The following DCLRE1A variants were observed in gnomAD, a reference collection of about 807,000 sequenced individuals.
DCLRE1A encodes DNA cross-link repair 1A.
Under a neutral mutation model 91.9 loss-of-function variants are expected in DCLRE1A, and 64 were observed. That is an observed-to-expected ratio of 0.70 (90% CI 0.57 to 0.86). The LOEUF (loss-of-function observed/expected upper bound fraction) is 0.86, where lower values mean the gene tolerates loss of function less well. Ranked by LOEUF, DCLRE1A falls within the 40% of genes least tolerant of loss-of-function variation. The probability of loss-of-function intolerance (pLI) is 0.00; values close to 1 mark genes in which losing one functional copy is unlikely to be tolerated. For synonymous variants in DCLRE1A, 416 were observed against 431.1 expected, an observed-to-expected ratio of 0.96 and a Z score of 0.43; for missense variants, 1,145 against 1,213.3, an observed-to-expected ratio of 0.94 and a Z score of 0.84.
chr10:113,843,516 T>C (rs1451660793), intron 5 of DCLRE1A, among the ~76,000 whole-genome samples: 1 of 152,170 alleles, frequency 6.6e-6, no homozygotes, highest in Non-Finnish European at 1.5e-5. Flanking sequence ...ATGGTTAAGA[T>C]AATTTCTAAC....
At chr10:113,840,967 T>C (rs1356062061) in intron 7 of DCLRE1A, among the ~76,000 whole-genome samples, 1 of 152,206 alleles carries the variant, frequency 6.6e-6, no homozygotes, top group Non-Finnish European at 1.5e-5. Context: ...CTATTTCATT[T>C]AATTGTCGCA....
intron 3 of DCLRE1A, among the ~76,000 whole-genome samples, chr10:113,846,317 AT>A (rs1213849517): frequency 6.6e-6 from 1 of 152,214 alleles, no homozygotes; most frequent in African/African-American, 2.4e-5. Flanking sequence ...TGTTTCATTA[AT>A]AAAAAGAATT....
In DCLRE1A at chr10:113,852,836, G is replaced by A. The variant is rs781346704; in HGVS notation, c.347C>T (p.Pro116Leu). 3.8e-5 allele frequency: 62 copies of A among 1,614,028 alleles called. No individual in the cohort carries two copies. The Middle Eastern group carries it at 6.6e-4, about 17-fold the overall frequency. ...KSQHVSPKIR[P>L]VYDGYCPNCQ... is the part of the protein sequence containing the mutation. ...ATTTGGACAGTATCCATCATAAACT[G>A]GACGTATCTTTGGGGACACGTGTTG... The change falls in exon 1 of 9, where the codon CCA (proline) becomes CTA (leucine). Residue 116 changes from proline (P) to leucine (L), a missense_variant. Coordinates refer to ENST00000361384, the MANE Select transcript of DCLRE1A (RefSeq NM_014881.5).
chr10:113,839,061 C>A (rs953295298), intron 7 of DCLRE1A, among the ~76,000 whole-genome samples: 36 of 152,188 alleles, frequency 2.4e-4, no homozygotes, highest in African/African-American at 8.4e-4. Context: ...CGTGGTGGCT[C>A]ACGCATGTAT....
intron 5 of DCLRE1A, among the ~76,000 whole-genome samples, chr10:113,843,761 C>G (rs1031861231): frequency 1.3e-5 from 2 of 152,192 alleles, no homozygotes; most frequent in African/African-American, 2.4e-5. Context: ...TGACCTCTGT[C>G]TTCTCTTCAC....
chr10:113,837,388 C>A (rs1260295418), intron 7 of DCLRE1A, among the ~76,000 whole-genome samples, 185 bp from the exon 8 acceptor site: 1 of 151,990 alleles, frequency 6.6e-6, no homozygotes, highest in Non-Finnish European at 1.5e-5. Context: ...AATATTTTCT[C>A]CTTTACTTAT....
At chr10:113,839,039 TC>T (rs1481703565) in intron 7 of DCLRE1A, among the ~76,000 whole-genome samples, 1 of 152,054 alleles carries the variant, frequency 6.6e-6, no homozygotes, top group African/African-American at 2.4e-5. Flanking sequence ...TAAGAAATCT[TC>T]CGAGGCCGGG....
chr10:113,841,301 A>G lies in DCLRE1A; in HGVS notation c.2820+105T>C. The G allele has an allele frequency of 6.0e-6, 8 of 1,330,078 alleles. 1 individual carries two copies. In the South Asian group the frequency reaches 1.0e-4, roughly 17 times the overall value. The allele number at this position is 1,330,078 out of a possible 1,614,324, so 82.4% of individuals were successfully genotyped here. Reference sequence around the variant, plus strand: ...AAGATTGTCTAGGGCAAATTTTACTATGGGTGACTCTATTATAATTGAATT... The same window carrying G: ...AAGATTGTCTAGGGCAAATTTTACTGTGGGTGACTCTATTATAATTGAATT... On this transcript the variant is annotated intron_variant, in intron 7 of 8. Transcript: ENST00000361384.
In DCLRE1A at chr10:113,834,975, T is replaced by C; in HGVS notation, c.*177A>G. On this transcript the variant is annotated 3_prime_UTR_variant, in exon 9 of 9. Transcript: ENST00000361384. ...ACCCAGTTTCAGTTATCCTTGATGA[T>C]GCTGAGAGGCATTCAGCACCACGAA... is the stretch of plus-strand genomic sequence containing the variant. The C allele has an allele frequency of 1.6e-6, 1 of 623,848 alleles. No homozygotes were observed. Among genetic ancestry groups the C allele is most frequent in the Non-Finnish European group, 2.6e-6 (1 of 381,796 alleles). 38.6% of individuals were successfully genotyped at this position (623,848 alleles called of 1,614,324 possible).
chr10:113,851,642 C>T (rs1010639851), intron 1 of DCLRE1A, among the ~76,000 whole-genome samples: 2 of 151,952 alleles, frequency 1.3e-5, no homozygotes, highest in African/African-American at 4.8e-5. Context: ...TCACCTAGGA[C>T]TCCTTCACAG....
intron 4 of DCLRE1A, 105 bp from the exon 5 acceptor site, chr10:113,844,349 A>G: frequency 4.3e-6 from 6 of 1,406,554 alleles, no homozygotes; most frequent in Non-Finnish European, 5.7e-6. Flanking sequence ...GCTGACCACA[A>G]TGACATAGCA....
chr10:113,845,722 C>T lies in DCLRE1A; in HGVS notation c.2341G>A (p.Val781Met), dbSNP rs991624279. ...AGCAAAACAACTTTGACACCATTCA[C>T]AATACATTCAGTGTCCAGTGGCAAT... ...HPLPLDTECI[V>M]NGVKVVLLDA... Residue 781 changes from valine to methionine, a missense_variant, in exon 4 of 9, where the codon GTG becomes ATG. Transcript: ENST00000361384. 1.2e-6 allele frequency: 2 copies of T among 1,614,150 alleles called. No individual in the cohort carries two copies. Among genetic ancestry groups the T allele is most frequent in the African/African-American group, 2.7e-5 (2 of 75,060 alleles).
In DCLRE1A at chr10:113,849,942, A is replaced by C. The variant is rs1027855909; in HGVS notation, c.1163T>G (p.Ile388Ser). The C allele has an allele frequency of 5.6e-6, 9 of 1,613,998 alleles. No homozygotes were observed. Residue 388 changes from isoleucine (I) to serine (S), a missense_variant, in exon 2 of 9, where the codon ATT (isoleucine) becomes AGT (serine). Ile to Ser is a moderately radical substitution (Grantham distance 142, BLOSUM62 -2). Coordinates refer to ENST00000361384, the MANE Select transcript of DCLRE1A (RefSeq NM_014881.5). Reference protein sequence around the residue: ...FNSLNDLSQPISQNNESTLPY... With the variant: ...FNSLNDLSQPSSQNNESTLPY... ...CAAAGTACTCTCATTATTTTGAGAA[A>C]TAGGTTGAGACAAATCATTTAGACT...
chr10:113,843,937 T>C (rs186605066), intron 5 of DCLRE1A, among the ~76,000 whole-genome samples, 167 bp downstream of exon 5: 1 of 152,164 alleles, frequency 6.6e-6, no homozygotes. Flanking sequence ...ACACATACAA[T>C]CTCAAATTTG....
intron 3 of DCLRE1A, among the ~76,000 whole-genome samples, chr10:113,846,321 A>G (rs954747669): frequency 2.0e-5 from 3 of 152,212 alleles, no homozygotes; most frequent in African/African-American, 7.2e-5. Flanking sequence ...TCATTAATAA[A>G]AAGAATTCCT....
intron 7 of DCLRE1A, 86 bp downstream of exon 7, chr10:113,841,320 T>C: frequency 6.8e-7 from 1 of 1,478,844 alleles, no homozygotes; most frequent in South Asian, 1.3e-5. Context: ...TCTATTATAA[T>C]TGAATTCCTC....
intron 1 of DCLRE1A, 91 bp downstream of exon 1, chr10:113,852,632 C>T (rs1845672541): frequency 1.6e-6 from 2 of 1,279,344 alleles, no homozygotes; most frequent in Middle Eastern, 2.0e-4. Context: ...TAGGTTACTG[C>T]TTGCCTTCCT....
intron 7 of DCLRE1A, among the ~76,000 whole-genome samples, chr10:113,839,324 C>CAAAAAA (rs35405311): frequency 4.9e-5 from 3 of 61,240 alleles, no homozygotes; most frequent in Non-Finnish European, 5.5e-5. Flanking sequence ...GACCCTGTCT[C>CAAAAAA]AAAAAAAAAA....
rs898428886 is a variant in DCLRE1A, at chr10:113,837,197, G to C, written c.2827C>G (p.Gln943Glu). The change falls in exon 8 of 9, where the codon CAG (glutamine) becomes GAG (glutamate). Residue 943 changes from glutamine (Q) to glutamate (E), a missense_variant. Transcript: ENST00000361384. ...PMMQINFKGL[Q>E]SHLKKCGGKY... ...CCACCACACTTCTTCAAATGACTCT[G>C]TAAGCCCTGTTAAATTAAAATAGCA... 1 of 1,608,066 alleles carries C rather than the reference G, an allele frequency of 6.2e-7. No homozygotes were observed. The highest frequency in any genetic ancestry group is 8.5e-7 in the Non-Finnish European group (1 of 1,178,252).
Sources: gnomAD v4.1 joint callset for allele counts (sites outside exome capture counted in the v4.1 genomes callset) on GRCh38, gnomAD v4.1.1 for gene constraint, MANE v1.5 for transcripts, NCBI Gene and HGNC (gene_info 2026-07-23, HGNC 2026-07-21) for gene names.